Variants in VTI1B observed in about 807,000 individuals in gnomAD.
VTI1B encodes the protein vesicle transport through interaction with t-SNAREs homolog 1B.
Under a neutral mutation model 28.6 loss-of-function variants are expected in VTI1B, and 18 were observed. The ratio of observed to expected loss-of-function variants is 0.63; its 90% CI spans 0.43 to 0.93. The LOEUF (loss-of-function observed/expected upper bound fraction) is 0.93. Among genes scored for constraint, VTI1B ranks in the 40% least tolerant of loss-of-function variants. The pLI, the probability that VTI1B is intolerant of heterozygous loss-of-function variation, is 0.00. For synonymous variants in VTI1B, 100 were observed against 107.9 expected, an observed-to-expected ratio of 0.93 and a Z score of 0.46; for missense variants, 283 against 297.0, an observed-to-expected ratio of 0.95 and a Z score of 0.35.
At position 67,657,868 on chromosome 14, in the gene VTI1B, C is replaced by A. The variant is rs151302563; in HGVS notation, c.367-1279G>T. Among the ~76,000 whole-genome samples the A allele has an allele frequency of 3.2e-3, 481 of 151,744 alleles. 17 individuals are homozygous for A. The East Asian group carries it at 0.081, about 25-fold the overall frequency. ...GGCACAAGCAATTCTGCTGCCTCAG[C>A]CTCCCAAGTAACTGGGATTACAGGC... is the stretch of plus-strand genomic sequence containing the variant. On this transcript the variant is annotated intron_variant, in intron 3 of 5. Transcript: ENST00000554659.
chr14:67,651,193 C>G lies in VTI1B; in HGVS notation c.*192G>C. ...GCATTTATTACCTTGGTATATCATA[C>G]TGGTCTTGTTGCTGTTGTTCCTTCA... On this transcript the variant is annotated 3_prime_UTR_variant, in exon 6 of 6. Transcript: ENST00000554659. 3 of 1,124,668 alleles carry G rather than the reference C, an allele frequency of 2.7e-6. No individual in the cohort carries two copies. In the South Asian group the frequency reaches 4.9e-5, roughly 18 times the overall value. 69.7% of individuals were successfully genotyped at this position (1,124,668 alleles called of 1,614,324 possible). A position where few individuals can be genotyped will look rare whatever the true frequency, so the allele number is the denominator to read the frequency against.
At position 67,673,343 on chromosome 14, in the gene VTI1B, C is replaced by CA. The variant is rs202054090; in HGVS notation, c.115+1031dup. Among the ~76,000 whole-genome samples, 979 of 144,578 alleles carry CA rather than the reference C, an allele frequency of 6.8e-3. 21 individuals are homozygous for CA. The East Asian group carries it at 0.083, about 12-fold the overall frequency. 94.8% of individuals were successfully genotyped at this position (144,578 alleles called of 152,430 possible). Reference sequence around the variant, plus strand: ...TGGGTGACAGAGTGAGACCCTGTCTCAAAAAAAAAAATGATAAATAATAAA... The same window carrying CA: ...TGGGTGACAGAGTGAGACCCTGTCTCAAAAAAAAAAAATGATAAATAATAAA... On this transcript the variant is annotated intron_variant, in intron 1 of 5. Transcript: ENST00000554659.
In VTI1B at chr14:67,674,526, CG is replaced by C; in HGVS notation, c.-38del. 1 of 1,551,716 alleles carries C rather than the reference CG, an allele frequency of 6.4e-7. No homozygotes were observed. ...CGCTGGAGCAGCGGCCACCGAGATT[CG>C]GGGCCCTGGGCCCTTTCCTAGCCCG... On this transcript the variant is annotated 5_prime_UTR_variant, in exon 1 of 6. Coordinates refer to ENST00000554659, the MANE Select transcript of VTI1B (RefSeq NM_006370.3).
chr14:67,651,589 T>A, intron 5 of VTI1B, 108 bp from the exon 6 acceptor site: 1 of 1,246,534 alleles, frequency 8.0e-7, no homozygotes, highest in Non-Finnish European at 1.1e-6. Context: ...AGGCTGTATG[T>A]TTGATCACAC....
Position 67,674,392 on chromosome 14 carries a change from A to G in VTI1B, c.98T>C (p.Leu33Pro), listed in dbSNP as rs1370617015. The G allele has an allele frequency of 6.2e-7, 1 of 1,601,138 alleles. No individual in the cohort carries two copies. Among genetic ancestry groups the G allele is most frequent in the South Asian group, 1.1e-5 (1 of 89,674 alleles). Reference protein sequence around the residue: ...EDLQGVPERLLGTAGTEEKKK... With the variant: ...EDLQGVPERLPGTAGTEEKKK... ...CGCCTCACCGGTCCCCGCCGTCCCC[A>G]GCAGCCGCTCGGGCACCCCTTGTAG... The change falls in exon 1 of 6, where the codon CTG (leucine) becomes CCG (proline). Residue 33 changes from leucine to proline, a missense_variant. Leu to Pro is a moderately conservative substitution (Grantham distance 98, BLOSUM62 -3). Coordinates refer to ENST00000554659, the MANE Select transcript of VTI1B (RefSeq NM_006370.3).
intron 1 of VTI1B, among the ~76,000 whole-genome samples, chr14:67,669,882 T>C (rs2037445147): frequency 6.6e-6 from 1 of 152,080 alleles, no homozygotes; most frequent in Non-Finnish European, 1.5e-5. Flanking sequence ...GGTGGATCAC[T>C]TAAGCCCAGG....
At chr14:67,657,755 T>TG (rs1392066461) in intron 3 of VTI1B, among the ~76,000 whole-genome samples, 1 of 33,616 alleles carries the variant, frequency 3.0e-5, no homozygotes, top group East Asian at 7.7e-4. Flanking sequence ...TTCTTTCTTT[T>TG]TTTTTTTTTT....
intron 1 of VTI1B, among the ~76,000 whole-genome samples, chr14:67,672,415 G>A (rs547041180): frequency 6.4e-5 from 9 of 140,514 alleles, no homozygotes; most frequent in Non-Finnish European, 1.2e-4. Flanking sequence ...CACCATGCCT[G>A]GCCTGCAGTC....
rs371149132 is a variant in VTI1B, at chr14:67,674,501, C to T, written c.-12G>A. The T allele has an allele frequency of 4.8e-4, 763 of 1,583,076 alleles. 1 individual carries two copies. The highest frequency in any genetic ancestry group is 6.3e-4 in the Non-Finnish European group (739 of 1,166,318). ...GCGGAGGAGGCCATGGCGCAGGCCG[C>T]GCTGGAGCAGCGGCCACCGAGATTC... On this transcript the variant is annotated 5_prime_UTR_variant, in exon 1 of 6. Transcript: ENST00000554659.
chr14:67,674,376 G>C lies in VTI1B; in HGVS notation c.114C>G (p.Thr38=). The C allele has an allele frequency of 1.9e-6, 3 of 1,591,380 alleles. No individual in the cohort carries two copies. The highest frequency in any genetic ancestry group is 2.6e-6 in the Non-Finnish European group (3 of 1,170,944). ...CGGCGTGGCCCACCCCCGCCTCACCGGTCCCCGCCGTCCCCAGCAGCCGCT... is the reference window on the plus strand; with the variant it reads ...CGGCGTGGCCCACCCCCGCCTCACCCGTCCCCGCCGTCCCCAGCAGCCGCT... ...VPERLLGTAG[T]EEKKKLIRDF... The change falls in exon 1 of 6, where the codon ACC becomes ACG. Residue 38 remains threonine, a splice_region_variant and synonymous_variant. Coordinates refer to ENST00000554659, the MANE Select transcript of VTI1B (RefSeq NM_006370.3).
rs190496290 is a variant in VTI1B at position 67,647,162 on chromosome 14, A to G, written c.*4223T>C. Reference sequence around the variant, plus strand: ...TAATTTTAAATAGTTCAGAAAGGCAAAATTTGAAACACAGGTCATATTCTT... The same window carrying G: ...TAATTTTAAATAGTTCAGAAAGGCAGAATTTGAAACACAGGTCATATTCTT... On this transcript the variant is annotated 3_prime_UTR_variant, in exon 6 of 6. Coordinates refer to ENST00000554659, the MANE Select transcript of VTI1B (RefSeq NM_006370.3). 1.7e-4 allele frequency: 101 copies of G among 588,518 alleles called. No homozygotes were observed. The highest frequency in any genetic ancestry group is 1.7e-3 in the African/African-American group (91 of 53,334). The allele number at this position is 588,518 out of a possible 1,614,324, so 36.5% of individuals were successfully genotyped here.
Position 67,650,871 on chromosome 14 carries a change from C to T in VTI1B, c.*514G>A. On this transcript the variant is annotated 3_prime_UTR_variant, in exon 6 of 6. Transcript: ENST00000554659. ...CATATTGTCTATGACCAACTTCCTA[C>T]TCCCAGTTCACCAGATGAATCAGAA... The T allele has an allele frequency of 1.2e-6, 2 of 1,614,198 alleles. No homozygotes were observed. The highest frequency in any genetic ancestry group is 1.7e-6 in the Non-Finnish European group (2 of 1,180,008).
At chr14:67,663,356 T>C (rs894829614) in intron 1 of VTI1B, among the ~76,000 whole-genome samples, 1 of 152,134 alleles carries the variant, frequency 6.6e-6, no homozygotes, top group Non-Finnish European at 1.5e-5. Flanking sequence ...GTATTTTACA[T>C]GAAATAAGTT....
In VTI1B at chr14:67,651,010, T is replaced by A; in HGVS notation, c.*375A>T. On this transcript the variant is annotated 3_prime_UTR_variant, in exon 6 of 6. Transcript: ENST00000554659. ...GATGAATACTAAATGGTTGTCTGGG[T>A]CAATACTGCCTTAATGAGAACATTT... is the stretch of plus-strand genomic sequence containing the variant. 7.7e-7 allele frequency: 1 copy of A among 1,305,204 alleles called. No individual in the cohort carries two copies. The highest frequency in any genetic ancestry group is 1.1e-6 in the Non-Finnish European group (1 of 926,204). 80.9% of individuals were successfully genotyped at this position (1,305,204 alleles called of 1,614,324 possible). A position where few individuals can be genotyped will look rare whatever the true frequency, so the allele number is the denominator to read the frequency against.
chr14:67,651,315 T>C lies in VTI1B; in HGVS notation c.*70A>G, dbSNP rs748150354. 9 of 1,609,690 alleles carry C rather than the reference T, an allele frequency of 5.6e-6. No homozygotes were observed. In the Admixed American group the frequency reaches 1.5e-4, roughly 27 times the overall value. ...GCCCACAGCAGCAATATGCTTATTCTATCCACATCCCTAACATCATGCATT... is the reference window on the plus strand; with the variant it reads ...GCCCACAGCAGCAATATGCTTATTCCATCCACATCCCTAACATCATGCATT... On this transcript the variant is annotated 3_prime_UTR_variant, in exon 6 of 6. Coordinates refer to ENST00000554659, the MANE Select transcript of VTI1B (RefSeq NM_006370.3).
At chr14:67,651,616 G>T in intron 5 of VTI1B, 135 bp from the exon 6 acceptor site, 2 of 924,086 alleles carry the variant, frequency 2.2e-6, no homozygotes, top group Non-Finnish European at 3.2e-6. Flanking sequence ...TTAGCAGGAA[G>T]TACTCATAAG....
intron 1 of VTI1B, chr14:67,663,076 T>C (rs2037359488): frequency 1.4e-6 from 2 of 1,479,904 alleles, no homozygotes; most frequent in Non-Finnish European, 1.8e-6. Flanking sequence ...TTTCTCTGGG[T>C]GTGGCACCGG....
chr14:67,659,604 AG>A, intron 3 of VTI1B, 126 bp downstream of exon 3: 2 of 953,820 alleles, frequency 2.1e-6, no homozygotes, highest in Non-Finnish European at 3.0e-6. Flanking sequence ...AAAGAGGATA[AG>A]GGTGAAAAAA....
chr14:67,654,431 G>T (rs866552954), intron 4 of VTI1B, among the ~76,000 whole-genome samples: 8 of 152,020 alleles, frequency 5.3e-5, no homozygotes, highest in Non-Finnish European at 1.5e-5. Context: ...GTGTAAGCCC[G>T]GCCTCCTTGG....
Sources: allele counts gnomAD v4.1 joint callset (sites outside exome capture counted in the v4.1 genomes callset), GRCh38; gene constraint gnomAD v4.1.1; transcripts MANE v1.5; gene names NCBI Gene and HGNC (gene_info 2026-07-23, HGNC 2026-07-21).